The following CAPN3 variants were observed in gnomAD, a reference collection of about 807,000 sequenced individuals.
The protein encoded by CAPN3 is calpain 3.
A neutral mutation model predicts 114.0 loss-of-function variants in CAPN3; 88 were observed. The observed-to-expected ratio is 0.77, with a 90% CI of 0.65 to 0.92. The LOEUF is 0.92. CAPN3 is among the 40% of genes least tolerant of loss of function. The probability of loss-of-function intolerance (pLI) is 0.00; values close to 1 mark genes in which losing one functional copy is unlikely to be tolerated. For synonymous variants in CAPN3, 386 were observed against 382.9 expected (o/e 1.01, Z -0.09); for missense variants, 1,028 against 1,069.0 (o/e 0.96, Z 0.53).
intron 14 of CAPN3, among the ~76,000 whole-genome samples, chr15:42,405,538 C>T (rs989076619): frequency 2.0e-5 from 3 of 152,146 alleles, no homozygotes; most frequent in Non-Finnish European, 4.4e-5. Context: ...TCCTGAACTA[C>T]TGACCTCAGA....
intron 1 of CAPN3, among the ~76,000 whole-genome samples, chr15:42,378,371 T>C (rs1370361052): frequency 2.0e-5 from 3 of 152,246 alleles, no homozygotes; most frequent in African/African-American, 7.2e-5. Context: ...ATTAAGTGGA[T>C]TCGGCTGCCT....
At position 42,386,212 on chromosome 15, in the gene CAPN3, A is replaced by AGCACCT; in HGVS notation, c.426_431dup (p.His143_Leu144dup). ...GCCATTGCCTGCCTGACCCTGAACC[A>AGCACCT]GCACCTTCTTTTCCGAGTCATACCC... On this transcript the variant is annotated inframe_insertion, in exon 3 of 24. Coordinates refer to ENST00000397163, the MANE Select transcript of CAPN3 (RefSeq NM_000070.3). The AGCACCT allele has an allele frequency of 6.2e-7, 1 of 1,614,204 alleles. No individual in the cohort carries two copies. Among genetic ancestry groups the AGCACCT allele is most frequent in the Non-Finnish European group, 8.5e-7 (1 of 1,180,020 alleles).
Position 42,411,349 on chromosome 15 carries a change from A to G in CAPN3, c.2439+4A>G. On this transcript the variant is annotated splice_donor_region_variant and intron_variant, in intron 23 of 23. Coordinates refer to ENST00000397163, the MANE Select transcript of CAPN3 (RefSeq NM_000070.3). ...CATCAAGCTCAACGTTCTGGAGGTA[A>G]AGCATAGGCACAGCACATTCCCCCT... 6.2e-7 allele frequency: 1 copy of G among 1,613,578 alleles called. No individual in the cohort carries two copies. Among genetic ancestry groups the G allele is most frequent in the Non-Finnish European group, 8.5e-7 (1 of 1,179,524 alleles).
rs909910122 is a variant in CAPN3 at position 42,385,809 on chromosome 15, G to A, written c.380-358G>A. The A allele has an allele frequency of 9.2e-6, 5 of 540,840 alleles. No individual in the cohort carries two copies. In the African/African-American group the frequency reaches 9.5e-5, roughly 10 times the overall value. The allele number at this position is 540,840 out of a possible 1,614,324, so 33.5% of individuals were successfully genotyped here. A position where few individuals can be genotyped will look rare whatever the true frequency, so the allele number is the denominator to read the frequency against. On this transcript the variant is annotated intron_variant, in intron 2 of 23. Coordinates refer to ENST00000397163, the MANE Select transcript of CAPN3 (RefSeq NM_000070.3). ...ACTCACATTGCAAAGGCACAGGGCAGGGCAGATTTCCTACAGGTGTTAGGA... is the reference window on the plus strand; with the variant it reads ...ACTCACATTGCAAAGGCACAGGGCAAGGCAGATTTCCTACAGGTGTTAGGA...
chr15:42,412,197 T>G lies in CAPN3; in HGVS notation c.*424T>G. The G allele has an allele frequency of 6.5e-7, 1 of 1,535,964 alleles. No homozygotes were observed. The highest frequency in any genetic ancestry group is 8.7e-7 in the Non-Finnish European group (1 of 1,146,720). On this transcript the variant is annotated 3_prime_UTR_variant, in exon 24 of 24. Coordinates refer to ENST00000397163, the MANE Select transcript of CAPN3 (RefSeq NM_000070.3). The stretch of plus-strand genomic sequence containing the variant: ...CAGGAACCAAACCAGCACTGGGTTC[T>G]ACTGCTGTGGGGTAAACTAACTCAG...
At chr15:42,409,658 G>C (rs754524785) in intron 17 of CAPN3, 129 bp from the exon 18 acceptor site, 1 of 944,914 alleles carries the variant, frequency 1.1e-6, no homozygotes, top group Non-Finnish European at 1.7e-6. Context: ...AAAAGCCCCA[G>C]CTTCCCATGA....
chr15:42,383,788 G>A (rs970317692), intron 1 of CAPN3, among the ~76,000 whole-genome samples: 2 of 151,638 alleles, frequency 1.3e-5, no homozygotes, highest in South Asian at 4.2e-4. Flanking sequence ...GGCCAGGCTG[G>A]TCTTGAACTC....
intron 1 of CAPN3, among the ~76,000 whole-genome samples, chr15:42,382,048 G>A (rs2053263931): frequency 6.6e-6 from 1 of 152,094 alleles, no homozygotes; most frequent in African/African-American, 2.4e-5. Flanking sequence ...AAGTCATATT[G>A]TATATACATC....
In CAPN3 at chr15:42,385,561, A is replaced by AG. The variant is rs1566974026; in HGVS notation, c.380-606_380-605insG. ...AGAGAGAGAGAGAGAGAGAGAGAGA[A>AG]AGAGAGCAAAGTGTTACCTCCAACT... is the stretch of plus-strand genomic sequence containing the variant. On this transcript the variant is annotated intron_variant, in intron 2 of 23. Transcript: ENST00000397163. 2.7e-4 allele frequency: 118 copies of AG among 430,488 alleles called. 1 individual carries two copies. Among genetic ancestry groups the AG allele is most frequent in the African/African-American group, 2.3e-3 (111 of 47,290 alleles). The allele number at this position is 430,488 out of a possible 1,614,324, so 26.7% of individuals were successfully genotyped here.
chr15:42,374,578 A>C (rs2053037174), intron 1 of CAPN3: 1 of 152,138 alleles, frequency 6.6e-6, no homozygotes, highest in Non-Finnish European at 1.5e-5. Context: ...CTTGGGGAAC[A>C]AGAAGCCAAG....
At chr15:42,384,630 A>C (rs558004209) in intron 2 of CAPN3, 78 bp downstream of exon 2, 1 of 1,071,380 alleles carries the variant, frequency 9.3e-7, no homozygotes, top group Non-Finnish European at 1.5e-6. Flanking sequence ...CCAGGAGGTA[A>C]AGGGACAATC....
At chr15:42,403,423 C>G (rs1307353938) in intron 13 of CAPN3, among the ~76,000 whole-genome samples, 21 of 152,144 alleles carry the variant, frequency 1.4e-4, no homozygotes, top group Non-Finnish European at 2.9e-5. Context: ...CATCCTGTCC[C>G]TGGCCACCAC....
At chr15:42,378,474 G>A (rs2053150470) in intron 1 of CAPN3, among the ~76,000 whole-genome samples, 1 of 152,184 alleles carries the variant, frequency 6.6e-6, no homozygotes. Context: ...CCACCAGCCT[G>A]ACTGAACTCC....
chr15:42,399,773 T>G (rs2053814558), intron 10 of CAPN3, 121 bp downstream of exon 10: 3 of 874,828 alleles, frequency 3.4e-6, no homozygotes, highest in Non-Finnish European at 5.1e-6. Flanking sequence ...AAACCTTCCC[T>G]GTTTTACTGA....
chr15:42,387,711 G>A (rs1285152911), intron 3 of CAPN3, 42 bp from the exon 4 acceptor site: 1 of 1,613,544 alleles, frequency 6.2e-7, no homozygotes, highest in South Asian at 1.1e-5. Context: ...TTTCCTAACA[G>A]TAATTTGAGT....
chr15:42,409,423 T>C, intron 17 of CAPN3, 43 bp downstream of exon 17: 1 of 1,517,872 alleles, frequency 6.6e-7, no homozygotes, highest in South Asian at 1.1e-5. Context: ...TGCTTCCTTC[T>C]CTCCTGGATT....
chr15:42,392,549 C>T, intron 6 of CAPN3, 90 bp from the exon 7 acceptor site: 1 of 984,706 alleles, frequency 1.0e-6, no homozygotes, highest in Non-Finnish European at 1.6e-6. Context: ...TTCACAGAGC[C>T]CGGAAAATGA....
intron 14 of CAPN3, chr15:42,404,743 C>T (rs2053971403): frequency 1.7e-6 from 2 of 1,148,474 alleles, no homozygotes. Flanking sequence ...GACAAATGCC[C>T]CTCTGAACTG....
In CAPN3 at chr15:42,390,090, G is replaced by A. The variant is rs78369269; in HGVS notation, c.939G>A (p.Pro313=). The A allele has an allele frequency of 1.2e-3, 1,961 of 1,614,016 alleles. 22 individuals are homozygous for A. The African/African-American group carries it at 0.024, about 20-fold the overall frequency. Residue 313 remains proline, a synonymous_variant, in exon 6 of 24, where the codon CCG becomes CCA. Coordinates refer to ENST00000397163, the MANE Select transcript of CAPN3 (RefSeq NM_000070.3). ...ACCCCAGAGGCTCAGATGAAAGACCGACCCGGGTGTGTACACCTCCGATTA... is the reference window on the plus strand; with the variant it reads ...ACCCCAGAGGCTCAGATGAAAGACCAACCCGGGTGTGTACACCTCCGATTA... ...DLDPRGSDER[P]TRTIIPVQYE... is the part of the protein sequence containing the mutation.
Sources: gnomAD v4.1 joint callset for allele counts (sites outside exome capture counted in the v4.1 genomes callset) on GRCh38, gnomAD v4.1.1 for gene constraint, MANE v1.5 for transcripts, NCBI Gene and HGNC (gene_info 2026-07-23, HGNC 2026-07-21) for gene names.